The following GLIPR1L2 variants were observed in gnomAD, a reference collection of about 807,000 sequenced individuals.
GLIPR1L2 encodes the protein GLIPR1 like 2.
In GLIPR1L2, 21 loss-of-function variants were observed where a neutral mutation model predicts 28.4. The observed-to-expected ratio is 0.74, with a 90% confidence interval of 0.52 to 1.06. GLIPR1L2 has a LOEUF of 1.06. Ranked by LOEUF, GLIPR1L2 falls within the 50% of genes least tolerant of loss-of-function variation. GLIPR1L2 has a pLI of 0.00. For missense variants in GLIPR1L2, 476 were observed against 416.9 expected (o/e 1.14, Z -1.23); for synonymous variants, 145 against 139.3 (o/e 1.04, Z -0.29).
In GLIPR1L2 at chr12:75,429,938, C is replaced by CTTTTTTTTTTTTTTTTTTTTTT. The variant is rs34354324; in HGVS notation, c.671-761_671-760insTTTTTTTTTTTTTTTTTTTTTT. 1.6e-5 allele frequency among the ~76,000 whole-genome samples: 2 copies of CTTTTTTTTTTTTTTTTTTTTTT among 128,656 alleles called. 1 individual carries two copies. The highest frequency in any genetic ancestry group is 3.2e-5 in the Non-Finnish European group (2 of 63,264). The allele number at this position is 128,656 out of a possible 152,430, so 84.4% of individuals were successfully genotyped here. On this transcript the variant is annotated intron_variant, in intron 4 of 5. Transcript: ENST00000550916. ...CCTTTTCTTTTCTTTTCTTTTCTTT[C>CTTTTTTTTTTTTTTTTTTTTTT]TTTTTTTTTTTTTTTTGAGACAGAG... is the stretch of plus-strand genomic sequence containing the variant.
At chr12:75,422,627 A>G (rs2139960405) in intron 3 of GLIPR1L2, among the ~76,000 whole-genome samples, 1 of 152,204 alleles carries the variant, frequency 6.6e-6, no homozygotes, top group African/African-American at 2.4e-5. Context: ...TAAAGGATAC[A>G]TTTTGCTATA....
chr12:75,431,183 G>A lies in GLIPR1L2; in HGVS notation c.*22G>A. 9.8e-5 allele frequency: 55 copies of A among 563,904 alleles called. No homozygotes were observed. Among genetic ancestry groups the A allele is most frequent in the South Asian group, 1.6e-4 (6 of 37,308 alleles). The allele number at this position is 563,904 out of a possible 1,614,324, so 34.9% of individuals were successfully genotyped here. A position where few individuals can be genotyped will look rare whatever the true frequency, so the allele number is the denominator to read the frequency against. Reference sequence around the variant, plus strand: ...ATAAGAGTAGAAAGAGGAGGAAAAAGATGTATCACCAATATAAACCAAAAG... The same window carrying A: ...ATAAGAGTAGAAAGAGGAGGAAAAAAATGTATCACCAATATAAACCAAAAG... On this transcript the variant is annotated 3_prime_UTR_variant, in exon 6 of 6. Transcript: ENST00000550916.
chr12:75,423,126 T>C (rs770288149), intron 4 of GLIPR1L2, 137 bp downstream of exon 4: 1 of 1,551,222 alleles, frequency 6.4e-7, no homozygotes, highest in South Asian at 1.2e-5. Flanking sequence ...TATCAAAGGA[T>C]GGTTGACACA....
chr12:75,430,002 C>T (rs1427056487), intron 4 of GLIPR1L2, among the ~76,000 whole-genome samples: 1 of 143,684 alleles, frequency 7.0e-6, no homozygotes, highest in Non-Finnish European at 1.5e-5. Flanking sequence ...ATGGCACCAT[C>T]TTGGCTCACT....
intron 3 of GLIPR1L2, among the ~76,000 whole-genome samples, chr12:75,414,932 A>T (rs1362206938): frequency 3.9e-5 from 6 of 152,240 alleles, no homozygotes; most frequent in African/African-American, 1.4e-4. Flanking sequence ...GATAAATAAC[A>T]TTTTAATTAG....
At chr12:75,425,770 C>T (rs897211810) in intron 4 of GLIPR1L2, among the ~76,000 whole-genome samples, 8 of 151,960 alleles carry the variant, frequency 5.3e-5, no homozygotes, top group Middle Eastern at 3.4e-3. Context: ...GATGGGAGAT[C>T]GGAAGCATAC....
intron 1 of GLIPR1L2, among the ~76,000 whole-genome samples, chr12:75,403,485 A>T (rs1232344877): frequency 6.6e-6 from 1 of 152,192 alleles, no homozygotes; most frequent in East Asian, 1.9e-4. Context: ...GGAGCTTTTC[A>T]GTTTACTAAC....
At position 75,431,108 on chromosome 12, in the gene GLIPR1L2, G is replaced by A; in HGVS notation, c.982G>A (p.Glu328Lys). The A allele has an allele frequency of 1.0e-6, 1 of 982,470 alleles. No homozygotes were observed. Among genetic ancestry groups the A allele is most frequent in the Non-Finnish European group, 1.5e-6 (1 of 648,550 alleles). 60.9% of individuals were successfully genotyped at this position (982,470 alleles called of 1,614,324 possible). A position where few individuals can be genotyped will look rare whatever the true frequency, so the allele number is the denominator to read the frequency against. The change falls in exon 6 of 6, where the codon GAG becomes AAG. Residue 328 changes from glutamate (E) to lysine (K), a missense_variant. Glu to Lys is a moderately conservative substitution (Grantham distance 56). Coordinates refer to ENST00000550916, the MANE Select transcript of GLIPR1L2 (RefSeq NM_001270396.2). The part of the protein sequence containing the change: ...MEMEEEKEER[E>K]EEEEETQKEK... ...AATGGAGGAGGAAAAAGAAGAGAGA[G>A]AGGAGGAGGAGGAGGAAACACAAAA...
At chr12:75,427,221 A>AT (rs11373562) in intron 4 of GLIPR1L2, among the ~76,000 whole-genome samples, 52,953 of 151,966 alleles carry the variant, frequency 0.35, 9,597 homozygotes, top group East Asian at 0.46. Context: ...GTATGTAACT[A>AT]TTTAATGAAA....
At position 75,416,823 on chromosome 12, in the gene GLIPR1L2, ATTGGCAAGTCTACC is replaced by A. The variant is rs1320157531; in HGVS notation, c.584+3126_584+3139del. On this transcript the variant is annotated intron_variant, in intron 3 of 5. Transcript: ENST00000550916. ...TAACCATTTTTCCTTTGATACAAAT[ATTGGCAAGTCTACC>A]TTGAAGGATCTAGATTGGAACAGTT... is the stretch of plus-strand genomic sequence containing the variant. Among the ~76,000 whole-genome samples the A allele has an allele frequency of 3.9e-5, 6 of 152,118 alleles. No homozygotes were observed. The East Asian group carries it at 1.2e-3, about 29-fold the overall frequency.
In GLIPR1L2 at chr12:75,410,477, A is replaced by G. The variant is rs904788137; in HGVS notation, c.278A>G (p.Lys93Arg). ...ALSRTARAWGKKCLFTHNIYL... is the reference protein window; with the variant it reads ...ALSRTARAWGRKCLFTHNIYL... The stretch of plus-strand genomic sequence containing the variant: ...TCACGGACTGCTAGAGCATGGGGAA[A>G]AAAATGTTTGTTTACGCATAATATT... The change falls in exon 2 of 6, where the codon AAA becomes AGA. Residue 93 changes from lysine (K) to arginine (R), a missense_variant. Lys to Arg is a conservative substitution (Grantham distance 26). Coordinates refer to ENST00000550916, the MANE Select transcript of GLIPR1L2 (RefSeq NM_001270396.2). The G allele has an allele frequency of 6.2e-6, 10 of 1,609,894 alleles. No individual in the cohort carries two copies. Among genetic ancestry groups the G allele is most frequent in the Non-Finnish European group, 7.6e-6 (9 of 1,177,700 alleles).
Position 75,430,868 on chromosome 12 carries a change from G to T in GLIPR1L2, c.742G>T (p.Val248Leu). 1 of 1,535,538 alleles carries T rather than the reference G, an allele frequency of 6.5e-7. No individual in the cohort carries two copies. Among genetic ancestry groups the T allele is most frequent in the Non-Finnish European group, 8.7e-7 (1 of 1,146,456 alleles). Reference protein sequence around the residue: ...YPKWEMPRPVVCDPLCTFILL... With the variant: ...YPKWEMPRPVLCDPLCTFILL... ...AAAATGGGAAATGCCCCGGCCAGTT[G>T]TGTGTGATCCACTGTGCACATTCAT... Residue 248 changes from valine to leucine, a missense_variant, in exon 6 of 6, where the codon GTG becomes TTG. Physicochemically the swap from Val to Leu is conservative, Grantham distance 32. Coordinates refer to ENST00000550916, the MANE Select transcript of GLIPR1L2 (RefSeq NM_001270396.2).
intron 1 of GLIPR1L2, 57 bp from the exon 2 acceptor site, chr12:75,410,377 T>C (rs2045852589): frequency 7.1e-7 from 1 of 1,407,110 alleles, no homozygotes; most frequent in South Asian, 1.7e-5. Context: ...AGAAAAAATA[T>C]TTTAGACTAC....
chr12:75,428,746 G>T (rs547866381), intron 4 of GLIPR1L2, among the ~76,000 whole-genome samples: 241 of 152,310 alleles, frequency 1.6e-3, no homozygotes, highest in South Asian at 9.7e-3. Context: ...TTGGGACATG[G>T]TTCCCTGCCT....
intron 1 of GLIPR1L2, among the ~76,000 whole-genome samples, chr12:75,393,155 A>G (rs191531677): frequency 1.3e-5 from 2 of 152,258 alleles, no homozygotes; most frequent in East Asian, 3.9e-4. Flanking sequence ...ATCCTTATTC[A>G]TGCTATTGCC....
chr12:75,431,959 A>G lies in GLIPR1L2; in HGVS notation c.*798A>G, dbSNP rs2046096569. The G allele has an allele frequency of 6.6e-6, 1 of 152,168 alleles. No homozygotes were observed. Among genetic ancestry groups the G allele is most frequent in the Admixed American group, 6.5e-5 (1 of 15,284 alleles). 9.4% of individuals were successfully genotyped at this position (152,168 alleles called of 1,614,324 possible). A position where few individuals can be genotyped will look rare whatever the true frequency, so the allele number is the denominator to read the frequency against. On this transcript the variant is annotated 3_prime_UTR_variant, in exon 6 of 6. Coordinates refer to ENST00000550916, the MANE Select transcript of GLIPR1L2 (RefSeq NM_001270396.2). Reference sequence around the variant, plus strand: ...ACTGCTTACCACTAGTAATACTAATAAATGAACTAAATAAAAATACCTAGC... The same window carrying G: ...ACTGCTTACCACTAGTAATACTAATGAATGAACTAAATAAAAATACCTAGC...
chr12:75,399,321 G>A (rs2045714798), intron 1 of GLIPR1L2, among the ~76,000 whole-genome samples: 1 of 152,058 alleles, frequency 6.6e-6, no homozygotes, highest in Admixed American at 6.6e-5. Flanking sequence ...GTGAGCTATA[G>A]ATAGACTTTT....
At chr12:75,419,758 G>C (rs895307435) in intron 3 of GLIPR1L2, among the ~76,000 whole-genome samples, 2 of 152,194 alleles carry the variant, frequency 1.3e-5, no homozygotes, top group African/African-American at 4.8e-5. Context: ...AAGTTTTACA[G>C]AAAGTGATAT....
chr12:75,430,678 T>A (rs963756292), intron 4 of GLIPR1L2, 37 bp from the exon 5 acceptor site: 22 of 1,512,506 alleles, frequency 1.5e-5, no homozygotes, highest in Non-Finnish European at 1.9e-5. Flanking sequence ...AAGAAGAAAT[T>A]TTATGTAATT....
Sources: allele counts gnomAD v4.1 joint callset (sites outside exome capture counted in the v4.1 genomes callset), GRCh38; gene constraint gnomAD v4.1.1; transcripts MANE v1.5; gene names NCBI Gene and HGNC (gene_info 2026-07-23, HGNC 2026-07-21).